CNNM2: variants seen among roughly 807,000 people sequenced by gnomAD.
CNNM2 encodes the protein cyclin and CBS domain divalent metal cation transport mediator 2.
In CNNM2, 12 loss-of-function variants were observed where a neutral mutation model predicts 66.9. The ratio of observed to expected loss-of-function variants is 0.18; its 90% confidence interval spans 0.11 to 0.29. CNNM2 has a LOEUF of 0.29. Ranked by LOEUF, CNNM2 falls within the 10% of genes least tolerant of loss-of-function variation. CNNM2 has a pLI of 1.00. For missense variants in CNNM2, 705 were observed against 1,167.7 expected, an observed-to-expected ratio of 0.60 and a Z score of 5.77; for synonymous variants, 557 against 501.8, an observed-to-expected ratio of 1.11 and a Z score of -1.47.
intron 1 of CNNM2, among the ~76,000 whole-genome samples, chr10:103,016,176 G>A (rs893359863): frequency 6.6e-6 from 1 of 151,838 alleles, no homozygotes; most frequent in South Asian, 2.1e-4. Flanking sequence ...TCTCCATGGA[G>A]CCAGTTGCTT....
At position 103,090,117 on chromosome 10, in the gene CNNM2, A is replaced by G; in HGVS notation, c.*12937A>G. 4.5e-6 allele frequency: 2 copies of G among 449,156 alleles called. No individual in the cohort carries two copies. The highest frequency in any genetic ancestry group is 6.3e-5 in the South Asian group (1 of 15,876). The allele number at this position is 449,156 out of a possible 1,614,324, so 27.8% of individuals were successfully genotyped here. A position where few individuals can be genotyped will look rare whatever the true frequency, so the allele number is the denominator to read the frequency against. On this transcript the variant is annotated 3_prime_UTR_variant, in exon 8 of 8. Coordinates refer to ENST00000369878, the MANE Select transcript of CNNM2 (RefSeq NM_017649.5). ...CCTCAAAATGGTGCCCATATTGTCT[A>G]CTGCAGCTGGAAATTGGAAAAGATG... is the stretch of plus-strand genomic sequence containing the variant.
rs1325248068 is a variant in CNNM2, at chr10:103,078,625, G to T, written c.*1445G>T. 6.6e-6 allele frequency: 1 copy of T among 152,266 alleles called. No individual in the cohort carries two copies. The highest frequency in any genetic ancestry group is 6.5e-5 in the Admixed American group (1 of 15,286). 9.4% of individuals were successfully genotyped at this position (152,266 alleles called of 1,614,324 possible). On this transcript the variant is annotated 3_prime_UTR_variant, in exon 8 of 8. Transcript: ENST00000369878. ...TGTGTTTTGTTAGCCCGAGGGATATGTGCAGGTTGTTGGCGCTATTCATGC... is the reference window on the plus strand; with the variant it reads ...TGTGTTTTGTTAGCCCGAGGGATATTTGCAGGTTGTTGGCGCTATTCATGC...
At chr10:103,037,084 T>G (rs777366629) in intron 1 of CNNM2, among the ~76,000 whole-genome samples, 1 of 152,120 alleles carries the variant, frequency 6.6e-6, no homozygotes, top group Admixed American at 6.6e-5. Flanking sequence ...TACAATTGCA[T>G]GTGAATATAC....
intron 1 of CNNM2, among the ~76,000 whole-genome samples, chr10:102,941,883 C>G (rs1252403791): frequency 6.6e-6 from 1 of 152,196 alleles, no homozygotes. Context: ...GGGCCCACAG[C>G]AGGGCCTGGC....
chr10:102,928,726 T>C (rs1484571542), intron 1 of CNNM2, among the ~76,000 whole-genome samples: 1 of 152,126 alleles, frequency 6.6e-6, no homozygotes, highest in Non-Finnish European at 1.5e-5. Context: ...GGGCCTAAGC[T>C]AGTTCCCTCC....
intron 4 of CNNM2, among the ~76,000 whole-genome samples, chr10:103,062,783 C>T (rs568763501): frequency 3.3e-5 from 5 of 152,194 alleles, no homozygotes; most frequent in Non-Finnish European, 7.3e-5. Flanking sequence ...TACAGTGTGT[C>T]GTGCTATTAT....
At chr10:102,962,509 A>G (rs1431073598) in intron 1 of CNNM2, among the ~76,000 whole-genome samples, 2 of 152,212 alleles carry the variant, frequency 1.3e-5, no homozygotes, top group African/African-American at 4.8e-5. Context: ...ACTCAGACAC[A>G]GAGACATTTA....
At chr10:103,007,824 A>G (rs1176067843) in intron 1 of CNNM2, among the ~76,000 whole-genome samples, 1 of 152,238 alleles carries the variant, frequency 6.6e-6, no homozygotes, top group Non-Finnish European at 1.5e-5. Context: ...GAGGTGACGT[A>G]CATCCTCAGC....
chr10:103,089,848 G>A lies in CNNM2; in HGVS notation c.*12668G>A. On this transcript the variant is annotated 3_prime_UTR_variant, in exon 8 of 8. Coordinates refer to ENST00000369878, the MANE Select transcript of CNNM2 (RefSeq NM_017649.5). ...ACTGATGTGCGGTTCCGGGTGGCAA[G>A]AGGAGACTCCATCTCATTGATATCT... 1 of 1,614,096 alleles carries A rather than the reference G, an allele frequency of 6.2e-7. No individual in the cohort carries two copies. Among genetic ancestry groups the A allele is most frequent in the Non-Finnish European group, 8.5e-7 (1 of 1,179,992 alleles).
At chr10:102,982,346 TG>T (rs1251756659) in intron 1 of CNNM2, among the ~76,000 whole-genome samples, 2 of 152,220 alleles carry the variant, frequency 1.3e-5, no homozygotes, top group Non-Finnish European at 1.5e-5. Flanking sequence ...AGGGTTAGCC[TG>T]GGGCCTGCAG....
intron 1 of CNNM2, among the ~76,000 whole-genome samples, chr10:102,926,384 G>A (rs1464153629): frequency 6.6e-6 from 1 of 152,092 alleles, no homozygotes; most frequent in Non-Finnish European, 1.5e-5. Flanking sequence ...GTTTTCTCTT[G>A]GTTTTTATGG....
intron 1 of CNNM2, among the ~76,000 whole-genome samples, chr10:102,952,728 G>A (rs1048424299): frequency 1.3e-5 from 2 of 152,164 alleles, no homozygotes; most frequent in East Asian, 3.9e-4. Context: ...TGAGGAACCC[G>A]AGTGTTGGGG....
rs2066013239 is a variant in CNNM2, at chr10:103,088,724, T to C, written c.*11544T>C. 5.6e-6 allele frequency: 1 copy of C among 178,458 alleles called. No individual in the cohort carries two copies. Among genetic ancestry groups the C allele is most frequent in the Non-Finnish European group, 1.2e-5 (1 of 83,172 alleles). The allele number at this position is 178,458 out of a possible 1,614,324, so 11.1% of individuals were successfully genotyped here. On this transcript the variant is annotated 3_prime_UTR_variant, in exon 8 of 8. Coordinates refer to ENST00000369878, the MANE Select transcript of CNNM2 (RefSeq NM_017649.5). ...TCTGAAGTGAATTTATTCACACTGA[T>C]TGTGCCCTCTACTTTAGTAAGGTTC... is the stretch of plus-strand genomic sequence containing the variant.
chr10:103,056,699 C>A, intron 3 of CNNM2, 96 bp from the exon 4 acceptor site: 2 of 1,173,502 alleles, frequency 1.7e-6, no homozygotes, highest in South Asian at 1.3e-5. Context: ...CACTTTGATT[C>A]CAAGTATTCT....
chr10:102,976,611 ATTTTTTTTTTTTTT>A (rs66498944), intron 1 of CNNM2, among the ~76,000 whole-genome samples: 21 of 59,444 alleles, frequency 3.5e-4, no homozygotes, highest in African/African-American at 1.5e-3. Flanking sequence ...CGCCCAGGTA[ATTTTTTTTTTTTTT>A]TTTTTTTTTT....
chr10:103,017,963 C>CAAAAAAAAAGAAAAAAA (rs2064487927), intron 1 of CNNM2, among the ~76,000 whole-genome samples: 1 of 78,882 alleles, frequency 1.3e-5, no homozygotes, highest in Non-Finnish European at 2.4e-5. Flanking sequence ...GAATCTGTCT[C>CAAAAAAAAAGAAAAAAA]AAAAAAAAAA....
chr10:103,054,362 G>A lies in CNNM2; in HGVS notation c.1799G>A (p.Arg600Gln). The A allele has an allele frequency of 2.5e-6, 4 of 1,613,758 alleles. No homozygotes were observed. The highest frequency in any genetic ancestry group is 1.7e-6 in the Non-Finnish European group (2 of 1,179,852). Residue 600 changes from arginine (R) to glutamine (Q), a missense_variant, in exon 3 of 8, where the codon CGG (arginine) becomes CAG (glutamine). This residue lies in a region of CNNM2 where 171 missense variants were observed against 304.8 expected (regional missense o/e 0.56). Transcript: ENST00000369878. The surrounding 1 kb of genome is among the most constrained non-coding windows in gnomAD (Gnocchi z 5.2). ...AGAACGAAAAAGAAAGTGGCTCACC[G>A]GGAACGAAAGCAAGATTTTTCTGCC... ...DNRTKKKVAH[R>Q]ERKQDFSAFK...
At chr10:102,962,599 A>G (rs2063399783) in intron 1 of CNNM2, among the ~76,000 whole-genome samples, 1 of 152,214 alleles carries the variant, frequency 6.6e-6, no homozygotes, top group African/African-American at 2.4e-5. Context: ...GTCAATTTCA[A>G]CATATCCAAA....
At chr10:103,003,770 CT>C (rs934177385) in intron 1 of CNNM2, among the ~76,000 whole-genome samples, 9 of 151,768 alleles carry the variant, frequency 5.9e-5, no homozygotes, top group South Asian at 4.2e-4. Context: ...GAGACTCTAT[CT>C]TTTTTTTAAA....
Sources: gnomAD v4.1 joint callset for allele counts (sites outside exome capture counted in the v4.1 genomes callset) on GRCh38, gnomAD v4.1.1 for gene constraint, gnomAD v4.1.1 regional missense constraint, Gnocchi (gnomAD v3.1) non-coding constraint, MANE v1.5 for transcripts, NCBI Gene and HGNC (gene_info 2026-07-23, HGNC 2026-07-21) for gene names.